Variants in ANGPT1 observed in about 807,000 individuals in gnomAD.
The protein encoded by ANGPT1 is angiopoietin 1.
ANGPT1 carries 17 observed loss-of-function variants against 62.2 expected under a neutral mutation model. That is an observed-to-expected ratio of 0.27 (90% CI 0.19 to 0.41). ANGPT1 has a LOEUF of 0.41. Ranked by LOEUF, ANGPT1 falls within the 10% of genes least tolerant of loss-of-function variation. ANGPT1 has a pLI of 1.00. For synonymous variants in ANGPT1, 199 were observed against 198.9 expected (o/e 1.00, Z 0.00); for missense variants, 478 against 594.9 (o/e 0.80, Z 2.04).
chr8:107,493,360 G>A (rs1318093094), intron 1 of ANGPT1, among the ~76,000 whole-genome samples: 1 of 150,382 alleles, frequency 6.6e-6, no homozygotes, highest in Non-Finnish European at 1.5e-5. Flanking sequence ...TAAGTGGAGT[G>A]TGGGTAGATT....
chr8:107,377,447 C>T (rs776216429), intron 1 of ANGPT1, among the ~76,000 whole-genome samples: 19 of 152,166 alleles, frequency 1.2e-4, no homozygotes, highest in Non-Finnish European at 2.1e-4. Context: ...ACCTCATTCA[C>T]CTGTTCATAC....
At chr8:107,434,681 T>C (rs1212794882) in intron 1 of ANGPT1, among the ~76,000 whole-genome samples, 1 of 152,194 alleles carries the variant, frequency 6.6e-6, no homozygotes, top group African/African-American at 2.4e-5. Context: ...CCTGATTACA[T>C]GGCAATGATT....
chr8:107,280,440 G>C (rs1813977555), intron 7 of ANGPT1, among the ~76,000 whole-genome samples: 1 of 152,148 alleles, frequency 6.6e-6, no homozygotes, highest in Non-Finnish European at 1.5e-5. Context: ...TTTCCCGGAA[G>C]TGGAAGAAAG....
intron 4 of ANGPT1, among the ~76,000 whole-genome samples, chr8:107,320,444 T>C (rs1815123954): frequency 6.6e-6 from 1 of 152,192 alleles, no homozygotes. Flanking sequence ...AAGAAAAATG[T>C]GTTTTCAATC....
intron 4 of ANGPT1, among the ~76,000 whole-genome samples, chr8:107,309,856 G>A (rs549760670): frequency 1.9e-4 from 29 of 152,190 alleles, no homozygotes; most frequent in African/African-American, 6.3e-4. Context: ...GTGTATGTGT[G>A]TGAGACAGTA....
At chr8:107,326,764 T>C (rs1038010308) in intron 3 of ANGPT1, among the ~76,000 whole-genome samples, 4 of 152,152 alleles carry the variant, frequency 2.6e-5, no homozygotes, top group African/African-American at 9.6e-5. Context: ...TATAGTAACA[T>C]AGAATGAGCA....
intron 1 of ANGPT1, among the ~76,000 whole-genome samples, chr8:107,400,599 G>T (rs1817026077): frequency 1.4e-5 from 2 of 142,206 alleles, no homozygotes; most frequent in Non-Finnish European, 1.5e-5. Context: ...TCACTCCATT[G>T]CCCAAGCTGG....
At chr8:107,374,450 T>C (rs997155351) in intron 1 of ANGPT1, among the ~76,000 whole-genome samples, 1 of 152,230 alleles carries the variant, frequency 6.6e-6, no homozygotes, top group Non-Finnish European at 1.5e-5. Flanking sequence ...CAGGAGGTCA[T>C]CACAGAGTCT....
At chr8:107,421,734 C>T (rs1810899803) in intron 1 of ANGPT1, among the ~76,000 whole-genome samples, 1 of 152,108 alleles carries the variant, frequency 6.6e-6, no homozygotes, top group African/African-American at 2.4e-5. Context: ...GAACACAATG[C>T]TTCGTGTGCA....
chr8:107,407,608 C>A (rs1817175084), intron 1 of ANGPT1, among the ~76,000 whole-genome samples: 1 of 152,080 alleles, frequency 6.6e-6, no homozygotes, highest in Admixed American at 6.6e-5. Flanking sequence ...AAAGAAAAGA[C>A]AACATGAAAG....
intron 1 of ANGPT1, among the ~76,000 whole-genome samples, chr8:107,433,816 C>A (rs1811265356): frequency 6.6e-6 from 1 of 152,142 alleles, no homozygotes; most frequent in South Asian, 2.1e-4. Flanking sequence ...AACTGGAGAA[C>A]TGGAAGTGTA....
chr8:107,300,767 T>C (rs1182187747), intron 5 of ANGPT1, among the ~76,000 whole-genome samples: 1 of 151,914 alleles, frequency 6.6e-6, no homozygotes, highest in Non-Finnish European at 1.5e-5. Context: ...AATATAATAT[T>C]CTAAGTTTTA....
At chr8:107,255,732 C>T (rs1813343465) in intron 8 of ANGPT1, among the ~76,000 whole-genome samples, 1 of 152,118 alleles carries the variant, frequency 6.6e-6, no homozygotes, top group African/African-American at 2.4e-5. Context: ...GCTAACCAAC[C>T]ATTTTCACAG....
intron 1 of ANGPT1, among the ~76,000 whole-genome samples, chr8:107,391,292 G>A (rs1816830625): frequency 6.6e-6 from 1 of 152,098 alleles, no homozygotes; most frequent in African/African-American, 2.4e-5. Context: ...CCGGCCCCAG[G>A]CCACCTGGAA....
intron 1 of ANGPT1, among the ~76,000 whole-genome samples, chr8:107,362,226 T>C (rs1404402640): frequency 6.6e-6 from 1 of 152,146 alleles, no homozygotes; most frequent in Non-Finnish European, 1.5e-5. Flanking sequence ...CATGAATACA[T>C]AAATATGAAA....
intron 1 of ANGPT1, among the ~76,000 whole-genome samples, chr8:107,348,489 A>G (rs1815860771): frequency 6.6e-6 from 1 of 152,184 alleles, no homozygotes; most frequent in Non-Finnish European, 1.5e-5. Context: ...CTTGGCCAAT[A>G]TAAGATAATT....
chr8:107,436,331 A>G (rs1226919730), intron 1 of ANGPT1, among the ~76,000 whole-genome samples: 1 of 152,054 alleles, frequency 6.6e-6, no homozygotes, highest in Non-Finnish European at 1.5e-5. Flanking sequence ...TAGACTATAC[A>G]CTCTTCAATT....
intron 8 of ANGPT1, among the ~76,000 whole-genome samples, chr8:107,252,634 T>C (rs1365708452): frequency 6.6e-6 from 1 of 152,164 alleles, no homozygotes. Flanking sequence ...TGTTCAGCAA[T>C]AGTAGCCATT....
chr8:107,290,762 C>T (rs886095913), intron 6 of ANGPT1, among the ~76,000 whole-genome samples: 4 of 152,028 alleles, frequency 2.6e-5, no homozygotes, highest in African/African-American at 9.7e-5. Context: ...GATAGCCTTT[C>T]TTATTTTAAA....
Sources: gnomAD v4.1 joint callset for allele counts (sites outside exome capture counted in the v4.1 genomes callset) on GRCh38, gnomAD v4.1.1 for gene constraint, MANE v1.5 for transcripts, NCBI Gene and HGNC (gene_info 2026-07-23, HGNC 2026-07-21) for gene names.